The following TP53BP2 variants were observed in gnomAD, a reference collection of about 807,000 sequenced individuals.
TP53BP2 encodes the protein tumor protein p53 binding protein 2.
Under a neutral mutation model 126.2 loss-of-function variants are expected in TP53BP2, and 62 were observed. That is an observed-to-expected ratio of 0.49 (90% CI 0.40 to 0.61). TP53BP2 has a LOEUF of 0.61. Among genes scored for constraint, TP53BP2 ranks in the 20% least tolerant of loss-of-function variants. The pLI is 0.00. For missense variants in TP53BP2, 1,215 were observed against 1,402.8 expected (o/e 0.87, Z 2.14); for synonymous variants, 485 against 502.9 (o/e 0.96, Z 0.48).
At position 223,789,054 on chromosome 1, in the gene TP53BP2, G is replaced by A. The variant is rs772639126; in HGVS notation, c.3117C>T (p.Cys1039=). ...GAGTGTAGCCTTCCTCCATTTCCTC[G>A]CACTTATCTGCAGCAGTCTGCATGT... The part of the protein sequence containing the change: ...YSDMQTAADK[C]EEMEEGYTQC... Residue 1039 remains cysteine, a synonymous_variant, in exon 16 of 18, where the codon TGC becomes TGT. Coordinates refer to ENST00000343537, the MANE Select transcript of TP53BP2 (RefSeq NM_001031685.3). 23 of 1,613,942 alleles carry A rather than the reference G, an allele frequency of 1.4e-5. No individual in the cohort carries two copies. The highest frequency in any genetic ancestry group is 3.3e-5 in the Admixed American group (2 of 59,994).
chr1:223,780,807 T>C lies in TP53BP2; in HGVS notation c.*46A>G. The C allele has an allele frequency of 6.3e-7, 1 of 1,596,462 alleles. No individual in the cohort carries two copies. Among genetic ancestry groups the C allele is most frequent in the South Asian group, 1.1e-5 (1 of 88,000 alleles). ...CCAAAAATAATCGTATTACTTCTTCTTAACAGAGATTAATTCTTCATTGAC... is the reference window on the plus strand; with the variant it reads ...CCAAAAATAATCGTATTACTTCTTCCTAACAGAGATTAATTCTTCATTGAC... On this transcript the variant is annotated 3_prime_UTR_variant, in exon 18 of 18. Coordinates refer to ENST00000343537, the MANE Select transcript of TP53BP2 (RefSeq NM_001031685.3).
chr1:223,821,242 CA>C lies in TP53BP2; in HGVS notation c.152del (p.Leu51TrpfsTer47), dbSNP rs1468908328. 4 of 1,613,948 alleles carry C rather than the reference CA, an allele frequency of 2.5e-6. No homozygotes were observed. In the African/African-American group the frequency reaches 5.3e-5, roughly 22 times the overall value. On this transcript the variant is annotated frameshift_variant, in exon 2 of 18. Coordinates refer to ENST00000343537, the MANE Select transcript of TP53BP2 (RefSeq NM_001031685.3). LOFTEE classifies it high-confidence loss of function. The part of the protein sequence containing the change: ...CKEPGESDCH[L>X]AEVWCGSERP... ...CACCAGAGCCACACCACACTTCAGC[CA>C]AATGGCAATCACTCTCGCCGGGTTC...
At chr1:223,783,093 C>G (rs1406905599) in intron 17 of TP53BP2, among the ~76,000 whole-genome samples, 1 of 152,190 alleles carries the variant, frequency 6.6e-6, no homozygotes, top group Non-Finnish European at 1.5e-5. Context: ...CAGACAGAAT[C>G]CTGTTCATCA....
intron 1 of TP53BP2, among the ~76,000 whole-genome samples, chr1:223,835,106 AAGTTAAC>A (rs1156771096): frequency 6.6e-6 from 1 of 152,234 alleles, no homozygotes; most frequent in Non-Finnish European, 1.5e-5. Flanking sequence ...GAAGAGGAGA[AAGTTAAC>A]AGGCAACAAG....
At chr1:223,839,677 C>A (rs570950968) in intron 1 of TP53BP2, among the ~76,000 whole-genome samples, 1 of 152,162 alleles carries the variant, frequency 6.6e-6, no homozygotes, top group Non-Finnish European at 1.5e-5. Flanking sequence ...CGGTGGCTCA[C>A]GCCTGTAATC....
chr1:223,790,503 G>A (rs570678680), intron 15 of TP53BP2, among the ~76,000 whole-genome samples: 50 of 151,982 alleles, frequency 3.3e-4, no homozygotes, highest in African/African-American at 1.2e-3. Context: ...GTTACAGTGA[G>A]CCAAGATTGT....
Position 223,796,005 on chromosome 1 carries a change from T to C in TP53BP2, c.2534A>G (p.Asp845Gly). The change falls in exon 13 of 18, where the codon GAC (aspartate) becomes GGC (glycine). Residue 845 changes from aspartate (D) to glycine (G), a missense_variant. Asp to Gly is a moderately conservative substitution (Grantham distance 94, BLOSUM62 -1). This residue lies in a region of TP53BP2 where 204 missense variants were observed against 225.7 expected (regional missense o/e 0.90). Transcript: ENST00000343537. This position sits in a 1 kb window ranked among gnomAD's most constrained non-coding sequence, Gnocchi z 4.2. ...GTTATTCTGGAGATTTGGGCTGTTGTCTGGGACTCCCTCAGGCTCATAATC... is the reference window on the plus strand; with the variant it reads ...GTTATTCTGGAGATTTGGGCTGTTGCCTGGGACTCCCTCAGGCTCATAATC... ...GLDYEPEGVP[D>G]NSPNLQNNPE... is the part of the protein sequence containing the mutation. 6.2e-7 allele frequency: 1 copy of C among 1,614,108 alleles called. No homozygotes were observed. Among genetic ancestry groups the C allele is most frequent in the Non-Finnish European group, 8.5e-7 (1 of 1,179,986 alleles).
At chr1:223,845,580 AG>A in intron 1 of TP53BP2, 73 bp downstream of exon 1, 1 of 1,422,802 alleles carries the variant, frequency 7.0e-7, no homozygotes, top group East Asian at 3.0e-5. Flanking sequence ...GACGCGCCCG[AG>A]GGCGCGGACC....
intron 12 of TP53BP2, among the ~76,000 whole-genome samples, chr1:223,797,407 A>G (rs768303656): frequency 7.2e-5 from 11 of 151,824 alleles, no homozygotes; most frequent in Non-Finnish European, 1.2e-4. Flanking sequence ...GAATATATAT[A>G]TATATGTACG....
At chr1:223,836,892 G>A (rs538956301) in intron 1 of TP53BP2, among the ~76,000 whole-genome samples, 1 of 152,028 alleles carries the variant, frequency 6.6e-6, no homozygotes, top group Non-Finnish European at 1.5e-5. Flanking sequence ...ACCTACCAGA[G>A]AAAGATCCTA....
chr1:223,819,333 T>C (rs1210895382), intron 2 of TP53BP2, among the ~76,000 whole-genome samples: 3 of 152,092 alleles, frequency 2.0e-5, no homozygotes, highest in African/African-American at 7.2e-5. Context: ...AGAACACTTC[T>C]TCCTCTATGA....
chr1:223,821,895 C>CTT (rs111552661), intron 1 of TP53BP2, among the ~76,000 whole-genome samples: 2 of 144,992 alleles, frequency 1.4e-5, no homozygotes, highest in Non-Finnish European at 1.5e-5. Flanking sequence ...AAAAATTGTA[C>CTT]TTTTTTTTTT....
At chr1:223,831,475 AAAAAAATATATATAT>A (rs1266868364) in intron 1 of TP53BP2, among the ~76,000 whole-genome samples, 4 of 47,070 alleles carry the variant, frequency 8.5e-5, no homozygotes, top group Admixed American at 7.2e-4. Flanking sequence ...CTAAAAAAAA[AAAAAAATATATATAT>A]ATATATATAT....
At position 223,802,829 on chromosome 1, in the gene TP53BP2, G is replaced by A. The variant is rs200766821; in HGVS notation, c.898C>T (p.Arg300Cys). The A allele has an allele frequency of 6.9e-5, 111 of 1,614,080 alleles. No homozygotes were observed. The highest frequency in any genetic ancestry group is 6.5e-4 in the Admixed American group (39 of 60,014). Residue 300 changes from arginine (R) to cysteine (C), a missense_variant, in exon 8 of 18, where the codon CGT becomes TGT. Physicochemically the swap from Arg to Cys is radical, Grantham distance 180. Transcript: ENST00000343537. ...TCCATGACTGCCACTTCTGAATTAC[G>A]CTTATTCAAACACTCCCTCTGTTGT... ...LQQQRECLNK[R>C]NSEVAVMDKR...
chr1:223,789,823 A>G (rs1454527045), intron 15 of TP53BP2, among the ~76,000 whole-genome samples: 1 of 152,198 alleles, frequency 6.6e-6, no homozygotes, highest in Non-Finnish European at 1.5e-5. Flanking sequence ...AATGTTTTAT[A>G]ATAGATTATA....
At chr1:223,788,431 A>AATGC (rs1662043927) in intron 16 of TP53BP2, among the ~76,000 whole-genome samples, 1 of 152,216 alleles carries the variant, frequency 6.6e-6, no homozygotes, top group African/African-American at 2.4e-5. Flanking sequence ...TGTATATACA[A>AATGC]ATGCCAATCA....
intron 1 of TP53BP2, among the ~76,000 whole-genome samples, chr1:223,835,115 G>C (rs1011433347): frequency 2.0e-5 from 3 of 152,156 alleles, no homozygotes; most frequent in African/African-American, 7.2e-5. Flanking sequence ...AAAGTTAACA[G>C]GCAACAAGAA....
At chr1:223,840,896 T>A (rs917434290) in intron 1 of TP53BP2, among the ~76,000 whole-genome samples, 1 of 152,216 alleles carries the variant, frequency 6.6e-6, no homozygotes, top group Admixed American at 6.5e-5. Flanking sequence ...AATACAGAAA[T>A]TTTCAAACGT....
rs1199379856 is a variant in TP53BP2, at chr1:223,802,362, G to A, written c.997-18C>T. The A allele has an allele frequency of 1.2e-6, 2 of 1,604,086 alleles. No homozygotes were observed. Among genetic ancestry groups the A allele is most frequent in the Admixed American group, 1.7e-5 (1 of 58,314 alleles). On this transcript the variant is annotated intron_variant, in intron 8 of 17. Transcript: ENST00000343537. ...GATGAAACCTTAGGAAAGAAGCACA[G>A]GTCCTTTAGTATTAAAAATCATCTC...
Sources: allele counts gnomAD v4.1 joint callset (sites outside exome capture counted in the v4.1 genomes callset), GRCh38; gene constraint gnomAD v4.1.1; regional missense constraint gnomAD v4.1.1; non-coding constraint Gnocchi (gnomAD v3.1); transcripts MANE v1.5; gene names NCBI Gene and HGNC (gene_info 2026-07-23, HGNC 2026-07-21).